The following TRIM26 variants were observed in gnomAD, a reference collection of about 807,000 sequenced individuals.
The protein encoded by TRIM26 is tripartite motif containing 26, also known as tripartite motif-containing protein 26.
A neutral mutation model predicts 45.5 loss-of-function variants in TRIM26; 16 were observed. The observed-to-expected ratio is 0.35, with a 90% CI of 0.24 to 0.53. The LOEUF is 0.53. Among genes scored for constraint, TRIM26 ranks in the 20% least tolerant of loss-of-function variants. The pLI is 0.92. For synonymous variants in TRIM26, 273 were observed against 290.4 expected (o/e 0.94, Z 0.61); for missense variants, 442 against 691.1 (o/e 0.64, Z 4.04).
Position 30,186,000 on chromosome 6 carries a change from G to A in TRIM26, c.1496C>T (p.Thr499Ile). The change falls in exon 10 of 10, where the codon ACC becomes ATC. Residue 499 changes from threonine (T) to isoleucine (I), a missense_variant. By Grantham distance (89) the Thr-to-Ile change is moderately conservative (BLOSUM62 -1). Transcript: ENST00000454678. This position sits in a 1 kb window ranked among gnomAD's most constrained non-coding sequence, Gnocchi z 5.7. ...TGACTCTGCGTTGGTGAAAGTCACGGTGCCCCCTTCATAATCCAGGGCGAT... is the reference window on the plus strand; with the variant it reads ...TGACTCTGCGTTGGTGAAAGTCACGATGCCCCCTTCATAATCCAGGGCGAT... ...VGIALDYEGG[T>I]VTFTNAESQE... 1 of 1,612,028 alleles carries A rather than the reference G, an allele frequency of 6.2e-7. No individual in the cohort carries two copies. Among genetic ancestry groups the A allele is most frequent in the Non-Finnish European group, 8.5e-7 (1 of 1,179,602 alleles).
chr6:30,199,202 G>T lies in TRIM26; in HGVS notation c.-99C>A. The T allele has an allele frequency of 7.9e-7, 1 of 1,271,618 alleles. No homozygotes were observed. Among genetic ancestry groups the T allele is most frequent in the Non-Finnish European group, 1.1e-6 (1 of 937,368 alleles). 78.8% of individuals were successfully genotyped at this position (1,271,618 alleles called of 1,614,324 possible). ...GGAGCAAGCACAGTAAAGGGGCAAA[G>T]GTGGCAGCCTGCACAGGGCTGCCAG... On this transcript the variant is annotated 5_prime_UTR_variant, in exon 4 of 10. Coordinates refer to ENST00000454678, the MANE Select transcript of TRIM26 (RefSeq NM_003449.5).
chr6:30,195,817 C>G (rs1776401686), intron 6 of TRIM26, among the ~76,000 whole-genome samples: 1 of 152,156 alleles, frequency 6.6e-6, no homozygotes, highest in Non-Finnish European at 1.5e-5. Context: ...AGGTTGAGCC[C>G]TCTACCCCTC....
At chr6:30,194,487 A>G (rs929945977) in intron 6 of TRIM26, among the ~76,000 whole-genome samples, 6 of 152,312 alleles carry the variant, frequency 3.9e-5, no homozygotes, top group African/African-American at 1.4e-4. Context: ...CAACACAAAG[A>G]AATGATAAGT....
At chr6:30,197,157 C>G (rs576052999) in intron 5 of TRIM26, among the ~76,000 whole-genome samples, 8 of 152,318 alleles carry the variant, frequency 5.3e-5, no homozygotes, top group Admixed American at 5.2e-4. Flanking sequence ...CCAGCCCTCT[C>G]TTCAGCACCC....
At chr6:30,195,124 G>C (rs1196198595) in intron 6 of TRIM26, among the ~76,000 whole-genome samples, 1 of 152,068 alleles carries the variant, frequency 6.6e-6, no homozygotes, top group Non-Finnish European at 1.5e-5. Flanking sequence ...CTTCTGCTCT[G>C]AGGGCCACTT....
chr6:30,202,439 G>A (rs57147155), intron 2 of TRIM26, among the ~76,000 whole-genome samples: 1 of 152,306 alleles, frequency 6.6e-6, no homozygotes, highest in Middle Eastern at 3.4e-3. Flanking sequence ...AAAAGTTTTG[G>A]GGGATGAGAT....
intron 1 of TRIM26, among the ~76,000 whole-genome samples, chr6:30,206,667 G>C (rs1415075758): frequency 6.6e-6 from 1 of 152,244 alleles, no homozygotes; most frequent in Non-Finnish European, 1.5e-5. Flanking sequence ...TTGTGGAATG[G>C]TTCAAACCTT....
At chr6:30,199,431 TC>T (rs1235818420) in intron 3 of TRIM26, among the ~76,000 whole-genome samples, 167 bp from the exon 4 acceptor site, 16 of 152,142 alleles carry the variant, frequency 1.1e-4, no homozygotes, top group African/African-American at 3.9e-4. Flanking sequence ...CAACACCCTT[TC>T]CTTCTATCTG....
In TRIM26 at chr6:30,199,009, CCA is replaced by C; in HGVS notation, c.93_94del (p.Cys31TrpfsTer30). The C allele has an allele frequency of 6.2e-7, 1 of 1,611,696 alleles. No individual in the cohort carries two copies. The highest frequency in any genetic ancestry group is 1.3e-5 in the African/African-American group (1 of 75,010). Reference sequence around the variant, plus strand: ...GGTGCAGCTGCGGCAGAAGACGTGGCCACAGTCAATGGTCACAGGGTCCCGCA... The same window carrying C: ...GGTGCAGCTGCGGCAGAAGACGTGGCCAGTCAATGGTCACAGGGTCCCGCA... On this transcript the variant is annotated frameshift_variant, in exon 4 of 10. Coordinates refer to ENST00000454678, the MANE Select transcript of TRIM26 (RefSeq NM_003449.5). LOFTEE classifies it high-confidence loss of function.
Position 30,189,058 on chromosome 6 carries a change from T to G in TRIM26, c.937+109A>C. Reference sequence around the variant, plus strand: ...CTTCTATTGTGCAGCTGGGAAATTCTTCCTGTTGCAAAAGGGGCTACCTGG... The same window carrying G: ...CTTCTATTGTGCAGCTGGGAAATTCGTCCTGTTGCAAAAGGGGCTACCTGG... On this transcript the variant is annotated intron_variant, in intron 9 of 9. Coordinates refer to ENST00000454678, the MANE Select transcript of TRIM26 (RefSeq NM_003449.5). The surrounding 1 kb of genome is among the most constrained non-coding windows in gnomAD (Gnocchi z 5.0). 8.0e-7 allele frequency: 1 copy of G among 1,248,550 alleles called. No individual in the cohort carries two copies. The highest frequency in any genetic ancestry group is 1.1e-6 in the Non-Finnish European group (1 of 888,152). 77.3% of individuals were successfully genotyped at this position (1,248,550 alleles called of 1,614,324 possible).
In TRIM26 at chr6:30,186,737, T is replaced by C. The variant is rs555543176; in HGVS notation, c.938-179A>G. The C allele has an allele frequency of 9.8e-7, 1 of 1,022,284 alleles. No homozygotes were observed. The highest frequency in any genetic ancestry group is 1.6e-5 in the African/African-American group (1 of 61,788). The allele number at this position is 1,022,284 out of a possible 1,614,324, so 63.3% of individuals were successfully genotyped here. ...GTGTGACACATTTTCTGGCTTTGTA[T>C]TCTGCTAAATCACCATAACTAAACT... On this transcript the variant is annotated intron_variant, in intron 9 of 9. Coordinates refer to ENST00000454678, the MANE Select transcript of TRIM26 (RefSeq NM_003449.5). This position sits in a 1 kb window ranked among gnomAD's most constrained non-coding sequence, Gnocchi z 7.4.
intron 5 of TRIM26, among the ~76,000 whole-genome samples, chr6:30,197,355 G>A (rs921946488): frequency 6.6e-6 from 1 of 152,154 alleles, no homozygotes; most frequent in African/African-American, 2.4e-5. Flanking sequence ...GCTGGGGGCA[G>A]CCATGCACAC....
rs1056295227 is a variant in TRIM26 at position 30,196,273 on chromosome 6, T to C, written c.765+243A>G. On this transcript the variant is annotated intron_variant, in intron 6 of 9. Coordinates refer to ENST00000454678, the MANE Select transcript of TRIM26 (RefSeq NM_003449.5). This position sits in a 1 kb window ranked among gnomAD's most constrained non-coding sequence, Gnocchi z 4.9. The stretch of plus-strand genomic sequence containing the variant: ...AATAATCTTCCCTTCCATTTTCTAC[T>C]ATACCATTTAGTTTTTTGAACAGTT... 2.6e-5 allele frequency among the ~76,000 whole-genome samples: 4 copies of C among 152,268 alleles called. No individual in the cohort carries two copies. The highest frequency in any genetic ancestry group is 7.2e-5 in the African/African-American group (3 of 41,478).
At chr6:30,197,948 C>G (rs1450292748) in intron 5 of TRIM26, among the ~76,000 whole-genome samples, 1 of 152,224 alleles carries the variant, frequency 6.6e-6, no homozygotes, top group East Asian at 1.9e-4. Flanking sequence ...CTGGACCTCA[C>G]TACATACAGT....
intron 6 of TRIM26, among the ~76,000 whole-genome samples, chr6:30,191,599 AG>A (rs1321615832): frequency 6.6e-6 from 1 of 152,094 alleles, no homozygotes; most frequent in Non-Finnish European, 1.5e-5. Flanking sequence ...GGCTTCCTGG[AG>A]AGGGTGAGAT....
At position 30,184,760 on chromosome 6, in the gene TRIM26, A is replaced by C. The variant is rs1353008557; in HGVS notation, c.*1116T>G. ...AGCACTTGGAATGGGTAAGGACAAG[A>C]CTGGGAGATCAATTTGGCTGGAGCA... On this transcript the variant is annotated 3_prime_UTR_variant, in exon 10 of 10. Transcript: ENST00000454678. 1 of 153,200 alleles carries C rather than the reference A, an allele frequency of 6.5e-6. No individual in the cohort carries two copies. The highest frequency in any genetic ancestry group is 1.9e-4 in the East Asian group (1 of 5,206). 9.5% of individuals were successfully genotyped at this position (153,200 alleles called of 1,614,324 possible). A position where few individuals can be genotyped will look rare whatever the true frequency, so the allele number is the denominator to read the frequency against.
intron 1 of TRIM26, among the ~76,000 whole-genome samples, 198 bp from the exon 2 acceptor site, chr6:30,204,963 C>T (rs572460710): frequency 4.6e-5 from 7 of 152,222 alleles, no homozygotes; most frequent in South Asian, 2.1e-4. Flanking sequence ...CAGAAGCGGC[C>T]GGGCGCGGTG....
At position 30,186,298 on chromosome 6, in the gene TRIM26, C is replaced by T; in HGVS notation, c.1198G>A (p.Glu400Lys). ...TCATATCCATCCCCATAGCCGGCCT[C>T]CTCTTCCTCCTCCTCCTCTTCTCCC... The part of the protein sequence containing the change: ...EEGEEEEEEE[E>K]AGYGDGYDDW... Residue 400 changes from glutamate (E) to lysine (K), a missense_variant, in exon 10 of 10, where the codon GAG (glutamate) becomes AAG (lysine). Physicochemically the swap from Glu to Lys is moderately conservative, Grantham distance 56. Coordinates refer to ENST00000454678, the MANE Select transcript of TRIM26 (RefSeq NM_003449.5). This position sits in a 1 kb window ranked among gnomAD's most constrained non-coding sequence, Gnocchi z 7.4. 1 of 1,610,244 alleles carries T rather than the reference C, an allele frequency of 6.2e-7. No individual in the cohort carries two copies. The highest frequency in any genetic ancestry group is 8.5e-7 in the Non-Finnish European group (1 of 1,177,584).
chr6:30,202,595 C>T (rs1243418346), intron 2 of TRIM26, among the ~76,000 whole-genome samples: 1 of 152,200 alleles, frequency 6.6e-6, no homozygotes, highest in East Asian at 1.9e-4. Context: ...TCTGGCATGG[C>T]ACTATATGAA....
Sources: allele counts gnomAD v4.1 joint callset (sites outside exome capture counted in the v4.1 genomes callset), GRCh38; gene constraint gnomAD v4.1.1; non-coding constraint Gnocchi (gnomAD v3.1); transcripts MANE v1.5; gene names NCBI Gene and HGNC (gene_info 2026-07-23, HGNC 2026-07-21).